The following GALM variants were observed in gnomAD, a reference collection of about 807,000 sequenced individuals.
GALM encodes aldose 1-epimerase.
In GALM, 43 loss-of-function variants were observed where a neutral mutation model predicts 37.4. That is an observed-to-expected ratio of 1.15 (90% CI 0.90 to 1.48). GALM has a LOEUF of 1.48. Among genes scored for constraint, GALM ranks in the 40% most tolerant of loss-of-function variants. The pLI is 0.00. For synonymous variants in GALM, 199 were observed against 170.6 expected, an observed-to-expected ratio of 1.17 and a Z score of -1.30; for missense variants, 456 against 419.1, an observed-to-expected ratio of 1.09 and a Z score of -0.77.
At chr2:38,728,659 T>G (rs1353422028) in intron 4 of GALM, among the ~76,000 whole-genome samples, 1 of 151,892 alleles carries the variant, frequency 6.6e-6, no homozygotes, top group Non-Finnish European at 1.5e-5. Context: ...CGCTCCAGCC[T>G]GGGTGACAGA....
chr2:38,719,774 CA>C (rs34403810), intron 4 of GALM, among the ~76,000 whole-genome samples: 98 of 118,488 alleles, frequency 8.3e-4, no homozygotes, highest in African/African-American at 1.1e-3. Flanking sequence ...AATTCTGTCT[CA>C]AAAAAAAAAA....
intron 4 of GALM, among the ~76,000 whole-genome samples, chr2:38,711,407 C>T (rs1666154745): frequency 2.6e-5 from 4 of 151,912 alleles, no homozygotes; most frequent in Admixed American, 2.6e-4. Context: ...GTGATCCGCC[C>T]ACCTCGGCTT....
rs1211993670 is a variant in GALM, at chr2:38,666,195, C to A, written c.34C>A (p.Leu12Met). 6.2e-7 allele frequency: 1 copy of A among 1,613,510 alleles called. No individual in the cohort carries two copies. Among genetic ancestry groups the A allele is most frequent in the Non-Finnish European group, 8.5e-7 (1 of 1,179,662 alleles). Residue 12 changes from leucine to methionine, a missense_variant, in exon 1 of 7, where the codon CTG (leucine) becomes ATG (methionine). Leu to Met is a conservative substitution (Grantham distance 15). Transcript: ENST00000272252. Reference sequence around the variant, plus strand: ...GGTGACCAGGGCCGTGTTTGGAGAGCTGCCCTCGGGAGGAGGGACAGTGGA... The same window carrying A: ...GGTGACCAGGGCCGTGTTTGGAGAGATGCCCTCGGGAGGAGGGACAGTGGA... Reference protein sequence around the residue: ...ASVTRAVFGELPSGGGTVEKF... With the variant: ...ASVTRAVFGEMPSGGGTVEKF...
At chr2:38,713,070 G>C (rs1666203673) in intron 4 of GALM, among the ~76,000 whole-genome samples, 2 of 152,250 alleles carry the variant, frequency 1.3e-5, no homozygotes, top group African/African-American at 4.8e-5. Flanking sequence ...TTGGCTTCCT[G>C]TGAGTCGTGA....
Position 38,685,364 on chromosome 2 carries a change from A to C in GALM, c.552+3878A>C, listed in dbSNP as rs546888686. Among the ~76,000 whole-genome samples the C allele has an allele frequency of 9.8e-5, 15 of 152,312 alleles. 1 individual carries two copies. In the South Asian group the frequency reaches 1.7e-3, roughly 17 times the overall value. On this transcript the variant is annotated intron_variant, in intron 3 of 6. Coordinates refer to ENST00000272252, the MANE Select transcript of GALM (RefSeq NM_138801.3). ...CAGAGTTGCTGGTAAAAGAGTTGCC[A>C]TGGCTTGTGGGTAGTAACCCACAGT...
At chr2:38,685,339 C>A (rs757667350) in intron 3 of GALM, among the ~76,000 whole-genome samples, 3 of 152,190 alleles carry the variant, frequency 2.0e-5, no homozygotes, top group Non-Finnish European at 4.4e-5. Flanking sequence ...CCTGGGGGCA[C>A]AGAGTTGCTG....
rs191395024 is a variant in GALM, at chr2:38,712,561, C to A, written c.635-16995C>A. Among the ~76,000 whole-genome samples, 8 of 152,298 alleles carry A rather than the reference C, an allele frequency of 5.3e-5. No homozygotes were observed. In the East Asian group the frequency reaches 1.3e-3, roughly 26 times the overall value. On this transcript the variant is annotated intron_variant, in intron 4 of 6. Coordinates refer to ENST00000272252, the MANE Select transcript of GALM (RefSeq NM_138801.3). ...GCAAGGAACAAATAGAAAGCAGGGT[C>A]TGCAGAACACACATCCCAGAGGCGA...
At chr2:38,731,689 A>C (rs779688659) in intron 5 of GALM, 46 bp from the exon 6 acceptor site, 4 of 1,506,476 alleles carry the variant, frequency 2.7e-6, no homozygotes. Flanking sequence ...ACTCCTCCCC[A>C]CCTGCTTTTC....
At chr2:38,693,516 C>A (rs536723392) in intron 4 of GALM, among the ~76,000 whole-genome samples, 6 of 151,216 alleles carry the variant, frequency 4.0e-5, no homozygotes, top group Admixed American at 3.3e-4. Flanking sequence ...GAGAAAATAA[C>A]CTGTTAGACC....
chr2:38,733,530 G>T lies in GALM; in HGVS notation c.994G>T (p.Asp332Tyr). 2 of 1,613,976 alleles carry T rather than the reference G, an allele frequency of 1.2e-6. No individual in the cohort carries two copies. The highest frequency in any genetic ancestry group is 2.2e-5 in the South Asian group (2 of 91,038). ...PVLLRPGEEY[D>Y]HTTWFKFSVA ...GCTGCTGAGGCCTGGTGAGGAGTAT[G>T]ACCACACCACCTGGTTCAAGTTTTC... Residue 332 changes from aspartate to tyrosine, a missense_variant, in exon 7 of 7, where the codon GAC becomes TAC. Asp to Tyr is a radical substitution (Grantham distance 160). Transcript: ENST00000272252.
intron 4 of GALM, among the ~76,000 whole-genome samples, chr2:38,703,054 TTATATATATATATA>T (rs1181876277): frequency 2.0e-3 from 28 of 13,958 alleles, no homozygotes; most frequent in South Asian, 5.6e-3. Flanking sequence ...ATGTGGGATT[TTATATATATATATA>T]TATATATATA....
chr2:38,676,052 A>G lies in GALM; in HGVS notation c.331A>G (p.Arg111Gly), dbSNP rs1558578050. 4 of 1,614,070 alleles carry G rather than the reference A, an allele frequency of 2.5e-6. No homozygotes were observed. The highest frequency in any genetic ancestry group is 3.4e-6 in the Non-Finnish European group (4 of 1,180,002). The change falls in exon 2 of 7, where the codon AGA (arginine) becomes GGA (glycine). Residue 111 changes from arginine to glycine, a missense_variant. Transcript: ENST00000272252. ...KEPNSLHGGVRGFDKVLWTPR... is the reference protein window; with the variant it reads ...KEPNSLHGGVGGFDKVLWTPR... ...ACCCAACAGTCTGCATGGAGGAGTC[A>G]GAGGGTTTGATAAAGTAAGTACGGC...
At position 38,666,308 on chromosome 2, in the gene GALM, G is replaced by A. The variant is rs34708402; in HGVS notation, c.147G>A (p.Gln49=). 6.9e-3 allele frequency: 11,166 copies of A among 1,613,702 alleles called. 655 individuals are homozygous for A. The African/African-American group carries it at 0.13, about 19-fold the overall frequency. Residue 49 remains glutamine, a synonymous_variant, in exon 1 of 7, where the codon CAG becomes CAA. Coordinates refer to ENST00000272252, the MANE Select transcript of GALM (RefSeq NM_138801.3). ...TITALEVKDR[Q]GRASDVVLGF... Reference sequence around the variant, plus strand: ...CAGCCCTAGAGGTCAAAGACAGGCAGGGGAGAGCCTCGGACGTGGTGCTTG... The same window carrying A: ...CAGCCCTAGAGGTCAAAGACAGGCAAGGGAGAGCCTCGGACGTGGTGCTTG...
At chr2:38,675,539 T>TG (rs1553379799) in intron 1 of GALM, among the ~76,000 whole-genome samples, 172 of 83,396 alleles carry the variant, frequency 2.1e-3, no homozygotes, top group African/African-American at 5.4e-3. Flanking sequence ...TTTTTTTTTT[T>TG]TTTTTGTGTG....
intron 4 of GALM, among the ~76,000 whole-genome samples, chr2:38,706,682 C>T (rs898210401): frequency 1.3e-5 from 2 of 151,496 alleles, no homozygotes; most frequent in African/African-American, 4.9e-5. Context: ...AAAGAAATAT[C>T]ACCCCAGCAA....
At chr2:38,685,389 T>C (rs1665495414) in intron 3 of GALM, among the ~76,000 whole-genome samples, 1 of 152,196 alleles carries the variant, frequency 6.6e-6, no homozygotes, top group South Asian at 2.1e-4. Context: ...TAACCCACAG[T>C]GTCTGTACCC....
chr2:38,698,388 G>C (rs950810262), intron 4 of GALM: 6 of 1,304,416 alleles, frequency 4.6e-6, no homozygotes, highest in Non-Finnish European at 6.1e-6. Flanking sequence ...GAAGGTTTCT[G>C]CAAGGCTGAG....
intron 4 of GALM, among the ~76,000 whole-genome samples, chr2:38,704,430 G>A (rs1468577782): frequency 1.3e-5 from 2 of 152,042 alleles, no homozygotes; most frequent in Non-Finnish European, 2.9e-5. Context: ...AGAACTTTGA[G>A]AGGCTAAGGC....
intron 3 of GALM, among the ~76,000 whole-genome samples, 166 bp downstream of exon 3, chr2:38,681,652 T>G (rs973500904): frequency 2.0e-5 from 3 of 152,132 alleles, no homozygotes; most frequent in East Asian, 3.9e-4. Context: ...TAATTGAAAA[T>G]TATAGAGAAA....
Sources: gnomAD v4.1 joint callset for allele counts (sites outside exome capture counted in the v4.1 genomes callset) on GRCh38, gnomAD v4.1.1 for gene constraint, MANE v1.5 for transcripts, NCBI Gene and HGNC (gene_info 2026-07-23, HGNC 2026-07-21) for gene names.